STON2: variants seen among roughly 807,000 people sequenced by gnomAD.
STON2 encodes stonin-2.
In STON2, 29 loss-of-function variants were observed where a neutral mutation model predicts 65.7. The ratio of observed to expected loss-of-function variants is 0.44; its 90% CI spans 0.33 to 0.60. STON2 has a LOEUF of 0.60. Ranked by LOEUF, STON2 falls within the 20% of genes least tolerant of loss-of-function variation. STON2 has a pLI of 0.03. For synonymous variants in STON2, 404 were observed against 414.2 expected (o/e 0.98, Z 0.30); for missense variants, 1,054 against 1,118.1 (o/e 0.94, Z 0.82).
chr14:81,393,988 C>A (rs756895034), intron 3 of STON2, among the ~76,000 whole-genome samples: 2 of 152,146 alleles, frequency 1.3e-5, no homozygotes, highest in Non-Finnish European at 2.9e-5. Context: ...TCAAGGAGTT[C>A]GAAACCAGCC....
At chr14:81,353,124 A>G (rs7151434) in intron 4 of STON2, among the ~76,000 whole-genome samples, 49,311 of 152,054 alleles carry the variant, frequency 0.32, 8,281 homozygotes, top group South Asian at 0.44. Flanking sequence ...TAATTCAAAA[A>G]AAATTTAAAA....
intron 2 of STON2, among the ~76,000 whole-genome samples, chr14:81,425,998 C>A (rs1472999900): frequency 2.0e-5 from 3 of 152,196 alleles, no homozygotes; most frequent in Non-Finnish European, 2.9e-5. Flanking sequence ...TGTCACCACT[C>A]CTCACTTTTA....
chr14:81,270,131 A>G, intron 7 of STON2: 1 of 779,484 alleles, frequency 1.3e-6, no homozygotes, highest in African/African-American at 1.9e-5. Flanking sequence ...TCTGTCACTC[A>G]GGCTGGAGTA....
chr14:81,354,647 G>C (rs962835619), intron 4 of STON2, among the ~76,000 whole-genome samples: 1 of 152,102 alleles, frequency 6.6e-6, no homozygotes, highest in Non-Finnish European at 1.5e-5. Flanking sequence ...ATACATGAAC[G>C]AGAATTTTGA....
intron 4 of STON2, among the ~76,000 whole-genome samples, chr14:81,354,767 C>A (rs1898158001): frequency 6.6e-6 from 1 of 152,078 alleles, no homozygotes; most frequent in African/African-American, 2.4e-5. Flanking sequence ...GCCTGTAATC[C>A]CAGCACTTTG....
intron 1 of STON2, among the ~76,000 whole-genome samples, chr14:81,434,688 C>T (rs1902346253): frequency 1.3e-5 from 2 of 152,142 alleles, no homozygotes; most frequent in Non-Finnish European, 2.9e-5. Context: ...TTTTTGGATT[C>T]GTCACACAGT....
intron 4 of STON2, among the ~76,000 whole-genome samples, chr14:81,369,571 TA>T (rs1898894291): frequency 6.6e-6 from 1 of 152,242 alleles, no homozygotes; most frequent in South Asian, 2.1e-4. Flanking sequence ...GATGGCCACT[TA>T]TTCTGTGTCA....
rs144375065 is a variant in STON2 at position 81,396,106 on chromosome 14, T to A, written c.161A>T (p.His54Leu). Residue 54 changes from histidine to leucine, a missense_variant, in exon 3 of 8, where the codon CAT (histidine) becomes CTT (leucine). Physicochemically the swap from His to Leu is moderately conservative, Grantham distance 99. Coordinates refer to ENST00000614646, the MANE Select transcript of STON2 (RefSeq NM_001394390.1). ...GTCTTGAGAGCCTCCATCCACCACA[T>A]GGTTCTCCCCGGAGGAGCTCTCGGA... ...DQSESSSGEN[H>L]VVDGGSQDHS... 14 of 1,614,020 alleles carry A rather than the reference T, an allele frequency of 8.7e-6. No homozygotes were observed. Among genetic ancestry groups the A allele is most frequent in the Admixed American group, 5.0e-5 (3 of 60,004 alleles).
Position 81,268,417 on chromosome 14 carries a change from C to T in STON2, c.2865G>A (p.Gln955=). Reference sequence around the variant, plus strand: ...GATTCCTTGCCGCAAGGCTTTGTCACTGCACTCCACACTCCTTGGGATTTT... The same window carrying T: ...GATTCCTTGCCGCAAGGCTTTGTCATTGCACTCCACACTCCTTGGGATTTT... ...EMENPKECGV[Q] is the part of the protein sequence containing the mutation. The change falls in exon 8 of 8, where the codon CAG becomes CAA. Residue 955 remains glutamine (Q), a synonymous_variant. Coordinates refer to ENST00000614646, the MANE Select transcript of STON2 (RefSeq NM_001394390.1). The T allele has an allele frequency of 7.8e-7, 1 of 1,289,590 alleles. No individual in the cohort carries two copies. The highest frequency in any genetic ancestry group is 1.0e-6 in the Non-Finnish European group (1 of 988,700). 79.9% of individuals were successfully genotyped at this position (1,289,590 alleles called of 1,614,324 possible).
At chr14:81,433,381 T>C (rs1902291502) in intron 1 of STON2, among the ~76,000 whole-genome samples, 1 of 152,216 alleles carries the variant, frequency 6.6e-6, no homozygotes, top group Non-Finnish European at 1.5e-5. Flanking sequence ...CAGGAAAATC[T>C]GACCCTGTCA....
At chr14:81,432,868 T>G (rs555420387) in intron 1 of STON2, among the ~76,000 whole-genome samples, 1 of 152,390 alleles carries the variant, frequency 6.6e-6, no homozygotes, top group South Asian at 2.1e-4. Context: ...CTTCCAGCCC[T>G]TTTCCTCCTT....
intron 5 of STON2, among the ~76,000 whole-genome samples, chr14:81,279,942 A>G (rs1895039963): frequency 6.6e-6 from 1 of 152,202 alleles, no homozygotes; most frequent in Non-Finnish European, 1.5e-5. Flanking sequence ...AGAGATGTCC[A>G]TTTTGGCATT....
At chr14:81,327,022 G>C (rs183026682) in intron 4 of STON2, among the ~76,000 whole-genome samples, 168 of 152,286 alleles carry the variant, frequency 1.1e-3, no homozygotes, top group African/African-American at 3.6e-3. Context: ...GCCAGGCGTG[G>C]TGGCACGCGC....
At chr14:81,340,102 C>T (rs959276393) in intron 4 of STON2, among the ~76,000 whole-genome samples, 1 of 152,140 alleles carries the variant, frequency 6.6e-6, no homozygotes, top group African/African-American at 2.4e-5. Flanking sequence ...TGCAGTAAGC[C>T]CAGATCGCGC....
chr14:81,407,273 A>G (rs1261396543), intron 2 of STON2, among the ~76,000 whole-genome samples: 1 of 152,206 alleles, frequency 6.6e-6, no homozygotes, highest in Non-Finnish European at 1.5e-5. Context: ...AGACATCTAA[A>G]TACAGGTCAT....
Position 81,262,562 on chromosome 14 carries a change from TGA to T in STON2, c.*5850_*5851del. On this transcript the variant is annotated 3_prime_UTR_variant, in exon 8 of 8. Coordinates refer to ENST00000614646, the MANE Select transcript of STON2 (RefSeq NM_001394390.1). ...CTCTCTAGATTTTACTTTTTCATAT[TGA>T]AATTCTTTTTTTAGTCTATTCTCTT... is the stretch of plus-strand genomic sequence containing the variant. 1 of 985,474 alleles carries T rather than the reference TGA, an allele frequency of 1.0e-6. No homozygotes were observed. Among genetic ancestry groups the T allele is most frequent in the Non-Finnish European group, 1.2e-6 (1 of 829,926 alleles). 61.0% of individuals were successfully genotyped at this position (985,474 alleles called of 1,614,324 possible). A position where few individuals can be genotyped will look rare whatever the true frequency, so the allele number is the denominator to read the frequency against.
At chr14:81,381,566 T>C (rs114422475) in intron 3 of STON2, among the ~76,000 whole-genome samples, 2,027 of 150,312 alleles carry the variant, frequency 0.013, 51 homozygotes, top group African/African-American at 0.048. Flanking sequence ...ACCTTGTTAG[T>C]AATCTAGGAA....
intron 5 of STON2, among the ~76,000 whole-genome samples, chr14:81,305,404 G>A (rs1172288948): frequency 1.3e-5 from 2 of 152,144 alleles, no homozygotes; most frequent in African/African-American, 2.4e-5. Context: ...GAGCTATGAC[G>A]GTGGGTGTGT....
intron 4 of STON2, among the ~76,000 whole-genome samples, chr14:81,338,919 T>A (rs1433053557): frequency 1.3e-5 from 2 of 152,204 alleles, no homozygotes. Flanking sequence ...GCAATTGAGC[T>A]GAACCTGGAC....
Sources: gnomAD v4.1 joint callset for allele counts (sites outside exome capture counted in the v4.1 genomes callset) on GRCh38, gnomAD v4.1.1 for gene constraint, MANE v1.5 for transcripts, NCBI Gene and HGNC (gene_info 2026-07-23, HGNC 2026-07-21) for gene names.